SIPA1L3: variants seen among roughly 807,000 people sequenced by gnomAD.
SIPA1L3 encodes the protein signal induced proliferation associated 1 like 3.
Under a neutral mutation model 150.1 loss-of-function variants are expected in SIPA1L3, and 59 were observed. The ratio of observed to expected loss-of-function variants is 0.39; its 90% CI spans 0.32 to 0.49. The LOEUF is 0.49. Ranked by LOEUF, SIPA1L3 falls within the 20% of genes least tolerant of loss-of-function variation. The pLI, the probability that SIPA1L3 is intolerant of heterozygous loss-of-function variation, is 0.86. For synonymous variants in SIPA1L3, 1,070 were observed against 1,077.6 expected (o/e 0.99, Z 0.14); for missense variants, 2,211 against 2,489.5 (o/e 0.89, Z 2.38).
At chr19:38,038,780 A>G (rs1418523486) in intron 2 of SIPA1L3, among the ~76,000 whole-genome samples, 1 of 152,242 alleles carries the variant, frequency 6.6e-6, no homozygotes, top group Non-Finnish European at 1.5e-5. Context: ...TGGCAACTTT[A>G]AGAAATCCCA....
intron 1 of SIPA1L3, among the ~76,000 whole-genome samples, chr19:37,908,211 C>G (rs1461824177): frequency 6.6e-6 from 1 of 152,144 alleles, no homozygotes; most frequent in African/African-American, 2.4e-5. Flanking sequence ...CCCCGAGGGC[C>G]AGATTCAGAA....
intron 1 of SIPA1L3, chr19:37,963,970 G>A (rs2145578591): frequency 6.6e-6 from 1 of 152,166 alleles, no homozygotes; most frequent in East Asian, 1.9e-4. Flanking sequence ...ATGAACAATT[G>A]CAAACATATA....
chr19:37,973,157 C>T (rs1725478), intron 1 of SIPA1L3, among the ~76,000 whole-genome samples: 43,005 of 151,040 alleles, frequency 0.28, 7,501 homozygotes, highest in East Asian at 0.62. Context: ...CAGGTCAGAA[C>T]ACGTGTTCTT....
At chr19:38,061,331 T>C (rs546446184) in intron 2 of SIPA1L3, among the ~76,000 whole-genome samples, 3 of 152,310 alleles carry the variant, frequency 2.0e-5, no homozygotes, top group African/African-American at 7.2e-5. Flanking sequence ...CCCAGCGTGC[T>C]GGGATTACAG....
At chr19:38,049,673 C>T (rs970762809) in intron 2 of SIPA1L3, among the ~76,000 whole-genome samples, 2 of 152,158 alleles carry the variant, frequency 1.3e-5, no homozygotes, top group Admixed American at 6.5e-5. Context: ...GCCACAACAC[C>T]CAGCTAATTT....
At chr19:38,077,661 CTTT>C (rs58788182) in intron 2 of SIPA1L3, among the ~76,000 whole-genome samples, 5 of 64,348 alleles carry the variant, frequency 7.8e-5, no homozygotes, top group East Asian at 5.5e-4. Flanking sequence ...TTTTCTTTTT[CTTT>C]TTTTTTTTTT....
intron 7 of SIPA1L3, among the ~76,000 whole-genome samples, chr19:38,107,065 A>G (rs1970638665): frequency 6.6e-6 from 1 of 152,262 alleles, no homozygotes; most frequent in Non-Finnish European, 1.5e-5. Context: ...CAGGGACTCC[A>G]ACAATATTAG....
rs58072455 is a variant in SIPA1L3 at position 37,973,561 on chromosome 19, G to GT, written c.-378-55528_-378-55527insT. Among the ~76,000 whole-genome samples, 1,216 of 144,332 alleles carry GT rather than the reference G, an allele frequency of 8.4e-3. 170 individuals are homozygous for GT. Among genetic ancestry groups the GT allele is most frequent in the African/African-American group, 0.031 (1,171 of 37,204 alleles). The allele number at this position is 144,332 out of a possible 152,430, so 94.7% of individuals were successfully genotyped here. On this transcript the variant is annotated intron_variant, in intron 1 of 21. Transcript: ENST00000222345. ...AAAAAAAAAAAAAAAAAAAGCGGGA[G>GT]GGGGGCGCATCTTGAAGCACTAAAA... is the stretch of plus-strand genomic sequence containing the variant.
intron 1 of SIPA1L3, among the ~76,000 whole-genome samples, chr19:37,944,780 A>G (rs906459194): frequency 2.0e-5 from 3 of 151,980 alleles, no homozygotes; most frequent in Admixed American, 6.6e-5. Flanking sequence ...GTGAAACCCC[A>G]TCTCTACTAA....
At chr19:38,060,879 A>G (rs1339168492) in intron 2 of SIPA1L3, among the ~76,000 whole-genome samples, 1 of 151,970 alleles carries the variant, frequency 6.6e-6, no homozygotes, top group East Asian at 1.9e-4. Context: ...TTTAGTAGAG[A>G]CGGGATTTCA....
Position 37,991,970 on chromosome 19 carries a change from T to G in SIPA1L3, c.-378-37119T>G, listed in dbSNP as rs143846505. Among the ~76,000 whole-genome samples the G allele has an allele frequency of 1.6e-4, 24 of 152,288 alleles. No homozygotes were observed. The East Asian group carries it at 4.6e-3, about 29-fold the overall frequency. ...TCAGGCTCTTCATTTTTCAAATACC[T>G]GCCTCGTTGACTTTGGGCTGGAGGG... On this transcript the variant is annotated intron_variant, in intron 1 of 21. Coordinates refer to ENST00000222345, the MANE Select transcript of SIPA1L3 (RefSeq NM_015073.3).
chr19:38,083,110 G>A lies in SIPA1L3; in HGVS notation c.1534+11G>A. On this transcript the variant is annotated intron_variant, in intron 3 of 21. Transcript: ENST00000222345. ...ACTTCGTGGGCAAAGGTGACGGATGGCGTGTGGGTGGGAAGGTTGGGTGGG... is the reference window on the plus strand; with the variant it reads ...ACTTCGTGGGCAAAGGTGACGGATGACGTGTGGGTGGGAAGGTTGGGTGGG... 2 of 1,600,778 alleles carry A rather than the reference G, an allele frequency of 1.2e-6. No homozygotes were observed. Among genetic ancestry groups the A allele is most frequent in the Non-Finnish European group, 1.7e-6 (2 of 1,175,704 alleles).
chr19:38,115,969 C>T (rs189019491), intron 8 of SIPA1L3, among the ~76,000 whole-genome samples: 1 of 152,220 alleles, frequency 6.6e-6, no homozygotes, highest in East Asian at 1.9e-4. Context: ...CACTGTCGCC[C>T]TTGTCTAGAG....
chr19:37,923,213 A>G (rs1428830275), intron 1 of SIPA1L3, among the ~76,000 whole-genome samples: 1 of 152,050 alleles, frequency 6.6e-6, no homozygotes, highest in African/African-American at 2.4e-5. Context: ...TAAACAGGCA[A>G]AGGGCCTAGG....
intron 1 of SIPA1L3, among the ~76,000 whole-genome samples, chr19:37,922,486 C>T (rs373074712): frequency 3.3e-5 from 5 of 151,778 alleles, no homozygotes; most frequent in African/African-American, 4.8e-5. Context: ...CTCCATCTCC[C>T]GGGTTCCAGC....
At position 37,968,959 on chromosome 19, in the gene SIPA1L3, G is replaced by T. The variant is rs555529070; in HGVS notation, c.-378-60130G>T. ...CCCATTGACACATCATGTCCTGAAA[G>T]TGGGGATCATCTGGATTGCAAATGA... On this transcript the variant is annotated intron_variant, in intron 1 of 21. Coordinates refer to ENST00000222345, the MANE Select transcript of SIPA1L3 (RefSeq NM_015073.3). Among the ~76,000 whole-genome samples the T allele has an allele frequency of 3.3e-5, 5 of 152,362 alleles. No individual in the cohort carries two copies. The South Asian group carries it at 6.2e-4, about 19-fold the overall frequency.
chr19:37,929,446 C>G (rs1012780786), intron 1 of SIPA1L3, among the ~76,000 whole-genome samples: 1 of 152,194 alleles, frequency 6.6e-6, no homozygotes, highest in Non-Finnish European at 1.5e-5. Flanking sequence ...GCTTTTTGTT[C>G]TCTAATCATG....
intron 2 of SIPA1L3, among the ~76,000 whole-genome samples, chr19:38,040,619 T>A (rs1440420634): frequency 6.6e-6 from 1 of 152,222 alleles, no homozygotes; most frequent in East Asian, 1.9e-4. Context: ...ACAGTGGCAC[T>A]TTGCTTTGAG....
chr19:38,020,604 G>T (rs904018380), intron 1 of SIPA1L3, among the ~76,000 whole-genome samples: 1 of 152,202 alleles, frequency 6.6e-6, no homozygotes, highest in African/African-American at 2.4e-5. Flanking sequence ...CGACCACAGT[G>T]CCTGTGTGCC....
Sources: gnomAD v4.1 joint callset for allele counts (sites outside exome capture counted in the v4.1 genomes callset) on GRCh38, gnomAD v4.1.1 for gene constraint, MANE v1.5 for transcripts, NCBI Gene and HGNC (gene_info 2026-07-23, HGNC 2026-07-21) for gene names.